The following ZNF326 variants were observed in gnomAD, a reference collection of about 807,000 sequenced individuals.
The protein encoded by ZNF326 is DBIRD complex subunit ZNF326.
A neutral mutation model predicts 63.1 loss-of-function variants in ZNF326; 30 were observed. The observed-to-expected ratio is 0.48, with a 90% CI of 0.36 to 0.64. The LOEUF is 0.64. Among genes scored for constraint, ZNF326 ranks in the 30% least tolerant of loss-of-function variants. The pLI, the probability that ZNF326 is intolerant of heterozygous loss-of-function variation, is 0.00. For synonymous variants in ZNF326, 194 were observed against 228.2 expected, an observed-to-expected ratio of 0.85 and a Z score of 1.35; for missense variants, 609 against 720.3, an observed-to-expected ratio of 0.85 and a Z score of 1.77.
At chr1:90,005,749 A>G (rs1648956325) in intron 4 of ZNF326, 1 of 983,076 alleles carries the variant, frequency 1.0e-6, no homozygotes, top group Non-Finnish European at 1.2e-6. Flanking sequence ...TTAAAGGAAG[A>G]GCATATTGCA....
chr1:90,009,530 T>G (rs1355716775), intron 5 of ZNF326, among the ~76,000 whole-genome samples: 1 of 152,194 alleles, frequency 6.6e-6, no homozygotes. Context: ...AAGTGTGTCT[T>G]GGAAGTTGAT....
chr1:90,027,776 T>A lies in ZNF326; in HGVS notation c.*75T>A. ...AAAAAGGGTAAGAAATTTAATAGCT[T>A]AAAATATGAATTAACACCCATGTTG... is the stretch of plus-strand genomic sequence containing the variant. On this transcript the variant is annotated 3_prime_UTR_variant, in exon 12 of 12. Transcript: ENST00000340281. The A allele has an allele frequency of 7.0e-7, 1 of 1,420,156 alleles. No homozygotes were observed. Among genetic ancestry groups the A allele is most frequent in the Non-Finnish European group, 9.8e-7 (1 of 1,018,466 alleles). 88.0% of individuals were successfully genotyped at this position (1,420,156 alleles called of 1,614,324 possible). A position where few individuals can be genotyped will look rare whatever the true frequency, so the allele number is the denominator to read the frequency against.
In ZNF326 at chr1:90,028,612, A is replaced by G; in HGVS notation, c.*911A>G. On this transcript the variant is annotated 3_prime_UTR_variant, in exon 12 of 12. Transcript: ENST00000340281. ...AAGAAGCAGACTTTTCTTTTAAAAG[A>G]ATTATTTCTCTTTCAAATATTTCTA... 6.6e-6 allele frequency: 1 copy of G among 152,164 alleles called. No individual in the cohort carries two copies. The highest frequency in any genetic ancestry group is 2.1e-4 in the South Asian group (1 of 4,832). The allele number at this position is 152,164 out of a possible 1,614,324, so 9.4% of individuals were successfully genotyped here.
rs1650234077 is a variant in ZNF326, at chr1:90,030,730, A to G, written c.*3029A>G. ...ATGCAGGCTGGAATTCAGTGGCACG[A>G]TCATGGCTTACTGCAGCTTTGACCT... On this transcript the variant is annotated 3_prime_UTR_variant, in exon 12 of 12. Coordinates refer to ENST00000340281, the MANE Select transcript of ZNF326 (RefSeq NM_182976.4). 6.7e-6 allele frequency: 1 copy of G among 150,192 alleles called. No homozygotes were observed. The highest frequency in any genetic ancestry group is 2.1e-4 in the South Asian group (1 of 4,768). The allele number at this position is 150,192 out of a possible 1,614,324, so 9.3% of individuals were successfully genotyped here.
intron 1 of ZNF326, among the ~76,000 whole-genome samples, chr1:89,995,561 C>T (rs926130227): frequency 3.9e-5 from 6 of 152,256 alleles, no homozygotes; most frequent in Non-Finnish European, 8.8e-5. Context: ...CGCCTTGGCC[C>T]CTGGTAGTGG....
In ZNF326 at chr1:90,033,498, T is replaced by C. The variant is rs1372528693; in HGVS notation, c.*5797T>C. 6.6e-6 allele frequency: 1 copy of C among 152,188 alleles called. No homozygotes were observed. The highest frequency in any genetic ancestry group is 1.9e-4 in the East Asian group (1 of 5,204). The allele number at this position is 152,188 out of a possible 1,614,324, so 9.4% of individuals were successfully genotyped here. On this transcript the variant is annotated 3_prime_UTR_variant, in exon 12 of 12. Coordinates refer to ENST00000340281, the MANE Select transcript of ZNF326 (RefSeq NM_182976.4). ...ATCCTCATCATATTATATGTCATAA[T>C]CTTCAAATATTTTAGAGGTTATTGT...
intron 2 of ZNF326, 75 bp downstream of exon 2, chr1:89,998,229 AT>A: frequency 7.1e-7 from 1 of 1,416,226 alleles, no homozygotes; most frequent in Non-Finnish European, 9.9e-7. Context: ...AGTTCTACCT[AT>A]TTCAGTCCTT....
intron 7 of ZNF326, among the ~76,000 whole-genome samples, chr1:90,015,988 A>C (rs1339849635): frequency 6.6e-6 from 1 of 152,114 alleles, no homozygotes; most frequent in Non-Finnish European, 1.5e-5. Flanking sequence ...GAGATTAGGA[A>C]ATTTCCTGGA....
chr1:90,010,320 A>T (rs983547308), intron 6 of ZNF326, 34 bp downstream of exon 6: 2 of 1,584,340 alleles, frequency 1.3e-6, no homozygotes, highest in Admixed American at 1.8e-5. Context: ...ATGATTCAGG[A>T]TACTTTTTAT....
chr1:90,027,654 A>G lies in ZNF326; in HGVS notation c.1702A>G (p.Lys568Glu). Residue 568 changes from lysine (K) to glutamate (E), a missense_variant, in exon 12 of 12, where the codon AAG (lysine) becomes GAG (glutamate). Lys to Glu is a moderately conservative substitution (Grantham distance 56, BLOSUM62 1). Coordinates refer to ENST00000340281, the MANE Select transcript of ZNF326 (RefSeq NM_182976.4). ...EVEELEEETA[K>E]EEPADFPVEQ... is the part of the protein sequence containing the mutation. Reference sequence around the variant, plus strand: ...AGAGGAATTAGAGGAAGAGACAGCAAAGGAAGAACCTGCTGACTTCCCTGT... The same window carrying G: ...AGAGGAATTAGAGGAAGAGACAGCAGAGGAAGAACCTGCTGACTTCCCTGT... 1 of 1,614,080 alleles carries G rather than the reference A, an allele frequency of 6.2e-7. No individual in the cohort carries two copies. Among genetic ancestry groups the G allele is most frequent in the South Asian group, 1.1e-5 (1 of 91,070 alleles).
intron 6 of ZNF326, among the ~76,000 whole-genome samples, chr1:90,011,764 T>C (rs1319102125): frequency 6.6e-6 from 1 of 152,170 alleles, no homozygotes; most frequent in Non-Finnish European, 1.5e-5. Context: ...GTCCATATGA[T>C]CCAGCAATTC....
intron 2 of ZNF326, among the ~76,000 whole-genome samples, chr1:90,001,226 C>G (rs1190848650): frequency 6.6e-6 from 1 of 152,152 alleles, no homozygotes; most frequent in East Asian, 1.9e-4. Flanking sequence ...AAAATCTCCC[C>G]TAGTTAAGAA....
chr1:90,004,945 A>G (rs1053466590), intron 2 of ZNF326, 58 bp from the exon 3 acceptor site: 4 of 1,492,664 alleles, frequency 2.7e-6, no homozygotes, highest in African/African-American at 1.4e-5. Context: ...GTTTTGTGCA[A>G]AGATCCCTGA....
intron 7 of ZNF326, among the ~76,000 whole-genome samples, chr1:90,015,804 G>A (rs1358606407): frequency 6.6e-6 from 1 of 152,166 alleles, no homozygotes; most frequent in Non-Finnish European, 1.5e-5. Context: ...CCAGGTAGAG[G>A]CCATGGCTTG....
intron 1 of ZNF326, among the ~76,000 whole-genome samples, chr1:89,996,630 T>C (rs1030652282): frequency 1.3e-5 from 2 of 152,000 alleles, no homozygotes; most frequent in East Asian, 3.8e-4. Context: ...TCTCAGCACT[T>C]TGGGAGGCGG....
At chr1:90,012,151 A>G (rs1172415839) in intron 6 of ZNF326, among the ~76,000 whole-genome samples, 1 of 152,210 alleles carries the variant, frequency 6.6e-6, no homozygotes, top group Non-Finnish European at 1.5e-5. Context: ...AAATTTATAT[A>G]TGAATGTTTA....
chr1:90,005,814 T>TA lies in ZNF326; in HGVS notation c.209+571dup, dbSNP rs906640312. The TA allele has an allele frequency of 3.0e-6, 3 of 985,376 alleles. No individual in the cohort carries two copies. In the African/African-American group the frequency reaches 5.2e-5, roughly 17 times the overall value. The allele number at this position is 985,376 out of a possible 1,614,324, so 61.0% of individuals were successfully genotyped here. On this transcript the variant is annotated intron_variant, in intron 4 of 11. Transcript: ENST00000340281. ...AGGTTATTTATTGACAGGTACTACT[T>TA]ACACCAAAGCACTTGTGCTCTAGGC...
At chr1:89,995,406 G>C (rs1570928097) in intron 1 of ZNF326, 133 bp downstream of exon 1, 2 of 1,239,234 alleles carry the variant, frequency 1.6e-6, no homozygotes, top group East Asian at 3.2e-5. Context: ...CCCGCCCCGG[G>C]CCCAGCGCCC....
chr1:90,010,216 C>T lies in ZNF326; in HGVS notation c.744C>T (p.Pro248=). Residue 248 remains proline, a synonymous_variant, in exon 6 of 12, where the codon CCC becomes CCT. Coordinates refer to ENST00000340281, the MANE Select transcript of ZNF326 (RefSeq NM_182976.4). Reference sequence around the variant, plus strand: ...AAATGATGCAGCCATTTAATAAGCCCAGTGGAACCTTTATCAAGAAACCCA... The same window carrying T: ...AAATGATGCAGCCATTTAATAAGCCTAGTGGAACCTTTATCAAGAAACCCA... ...KRKMMQPFNK[P]SGTFIKKPKL... is the part of the protein sequence containing the mutation. The T allele has an allele frequency of 6.2e-7, 1 of 1,613,852 alleles. No individual in the cohort carries two copies. Among genetic ancestry groups the T allele is most frequent in the Non-Finnish European group, 8.5e-7 (1 of 1,179,858 alleles).
Sources: gnomAD v4.1 joint callset for allele counts (sites outside exome capture counted in the v4.1 genomes callset) on GRCh38, gnomAD v4.1.1 for gene constraint, MANE v1.5 for transcripts, NCBI Gene and HGNC (gene_info 2026-07-23, HGNC 2026-07-21) for gene names.